Variants in CLEC16A observed in about 807,000 individuals in gnomAD.
CLEC16A encodes the protein protein CLEC16A.
A neutral mutation model predicts 109.5 loss-of-function variants in CLEC16A; 51 were observed. The ratio of observed to expected loss-of-function variants is 0.47; its 90% CI spans 0.37 to 0.59. CLEC16A has a LOEUF of 0.59. Ranked by LOEUF, CLEC16A falls within the 20% of genes least tolerant of loss-of-function variation. The pLI is 0.00. For missense variants in CLEC16A, 1,339 were observed against 1,394.0 expected (o/e 0.96, Z 0.63); for synonymous variants, 673 against 564.2 (o/e 1.19, Z -2.73).
chr16:11,086,594 G>A (rs2050022262), intron 19 of CLEC16A, among the ~76,000 whole-genome samples: 2 of 152,152 alleles, frequency 1.3e-5, no homozygotes, highest in Admixed American at 1.3e-4. Context: ...CCAGGCTGGA[G>A]TGCAGTGTCG....
chr16:10,973,211 C>T (rs1596819652), intron 7 of CLEC16A, 150 bp downstream of exon 7: 2 of 885,056 alleles, frequency 2.3e-6, no homozygotes, highest in South Asian at 2.3e-5. Context: ...AGGTCCTGCT[C>T]ACCTATTTGT....
At chr16:11,003,338 G>A in intron 11 of CLEC16A, 33 bp downstream of exon 11, 2 of 1,574,274 alleles carry the variant, frequency 1.3e-6, no homozygotes, top group Non-Finnish European at 1.7e-6. Context: ...CCCTGTGCCT[G>A]CGCCGCCAGC....
At chr16:10,962,611 G>A in intron 3 of CLEC16A, 23 bp downstream of exon 3, 1 of 1,612,454 alleles carries the variant, frequency 6.2e-7, no homozygotes, top group Non-Finnish European at 8.5e-7. Flanking sequence ...CTTGGTATTT[G>A]CCTCTGTGCT....
At chr16:11,061,139 TATTG>T (rs2048459277) in intron 19 of CLEC16A, 117 bp downstream of exon 19, 1 of 1,229,978 alleles carries the variant, frequency 8.1e-7, no homozygotes, top group African/African-American at 1.5e-5. Context: ...TTTGTACTAT[TATTG>T]AGCTGTGACC....
chr16:11,008,566 C>G (rs191912943), intron 11 of CLEC16A, among the ~76,000 whole-genome samples: 35 of 152,180 alleles, frequency 2.3e-4, no homozygotes, highest in Middle Eastern at 3.4e-3. Context: ...CACATAGGCA[C>G]TAGTTGGACA....
At chr16:11,134,257 C>G (rs1370200920) in intron 22 of CLEC16A, among the ~76,000 whole-genome samples, 2 of 147,016 alleles carry the variant, frequency 1.4e-5, no homozygotes, top group African/African-American at 2.5e-5. Context: ...CCAGGCAAAA[C>G]TACGTTGTCG....
intron 10 of CLEC16A, among the ~76,000 whole-genome samples, chr16:10,989,141 C>G (rs1596915344): frequency 6.6e-6 from 1 of 152,174 alleles, no homozygotes; most frequent in African/African-American, 2.4e-5. Context: ...TGTGTGTATA[C>G]TGTGTGTATA....
intron 22 of CLEC16A, among the ~76,000 whole-genome samples, chr16:11,129,094 C>A (rs1332362190): frequency 6.6e-6 from 1 of 152,212 alleles, no homozygotes; most frequent in Non-Finnish European, 1.5e-5. Flanking sequence ...AGCCCCAACC[C>A]CAGCCTTGCC....
At chr16:11,047,507 G>A (rs1311204176) in intron 17 of CLEC16A, 165 bp downstream of exon 17, 3 of 446,724 alleles carry the variant, frequency 6.7e-6, no homozygotes, top group Non-Finnish European at 1.2e-5. Context: ...CCCCACCACT[G>A]TTAAAATTTC....
intron 19 of CLEC16A, among the ~76,000 whole-genome samples, chr16:11,085,976 CGG>C (rs1567297622): frequency 1.1e-4 from 16 of 152,282 alleles, no homozygotes; most frequent in African/African-American, 3.9e-4. Context: ...GGAGGCCTCT[CGG>C]GTCTTCAGCT....
At chr16:11,111,815 A>T (rs896392608) in intron 19 of CLEC16A, among the ~76,000 whole-genome samples, 9 of 152,312 alleles carry the variant, frequency 5.9e-5, no homozygotes, top group Middle Eastern at 3.4e-3. Context: ...GATTGTAAGT[A>T]ATTCTGTTTT....
chr16:11,145,576 C>G (rs2054017160), intron 22 of CLEC16A, among the ~76,000 whole-genome samples: 1 of 152,272 alleles, frequency 6.6e-6, no homozygotes. Flanking sequence ...CATATGGTCT[C>G]TGTCGCAACA....
chr16:11,073,524 C>T (rs759148702), intron 19 of CLEC16A, among the ~76,000 whole-genome samples: 12 of 152,270 alleles, frequency 7.9e-5, no homozygotes, highest in Middle Eastern at 3.4e-3. Flanking sequence ...GCGCCTAACC[C>T]GCCATCATGT....
chr16:10,978,820 C>G (rs2043159380), intron 8 of CLEC16A, among the ~76,000 whole-genome samples: 1 of 152,200 alleles, frequency 6.6e-6, no homozygotes, highest in Non-Finnish European at 1.5e-5. Flanking sequence ...AGCAGTTAAC[C>G]TGAGCCCGTT....
intron 22 of CLEC16A, among the ~76,000 whole-genome samples, chr16:11,158,263 C>T (rs1469548921): frequency 6.6e-6 from 1 of 152,122 alleles, no homozygotes. Flanking sequence ...TGAGCCACAG[C>T]CTCGGAATGA....
At chr16:11,141,034 G>A (rs1313756158) in intron 22 of CLEC16A, among the ~76,000 whole-genome samples, 2 of 152,254 alleles carry the variant, frequency 1.3e-5, no homozygotes, top group Admixed American at 6.5e-5. Context: ...GAGGGAGCCA[G>A]GGCTCAGACG....
At chr16:11,133,473 G>C (rs372834200) in intron 22 of CLEC16A, among the ~76,000 whole-genome samples, 1 of 152,106 alleles carries the variant, frequency 6.6e-6, no homozygotes, top group African/African-American at 2.4e-5. Flanking sequence ...TAATAGTTCC[G>C]TGGAAAAGCC....
Position 11,061,011 on chromosome 16 carries a change from T to A in CLEC16A, c.2105T>A (p.Val702Asp). The change falls in exon 19 of 24, where the codon GTC becomes GAC. Residue 702 changes from valine to aspartate, a missense_variant. Physicochemically the swap from Val to Asp is radical, Grantham distance 152. Around this residue, in one of 3 missense-constraint regions of CLEC16A, gnomAD observed 1,061 missense variants for 1,006.8 expected, o/e 1.05. Transcript: ENST00000409790. ...REEDLIKTDD[V>D]LDLNNSDLIA... is the part of the protein sequence containing the mutation. ...GAGGACCTGATCAAGACTGATGATG[T>A]CCTGGATCTGAGTGAGTTGGCTGCT... 6.2e-7 allele frequency: 1 copy of A among 1,608,322 alleles called. No homozygotes were observed. Among genetic ancestry groups the A allele is most frequent in the Non-Finnish European group, 8.5e-7 (1 of 1,178,144 alleles).
intron 19 of CLEC16A, among the ~76,000 whole-genome samples, chr16:11,097,347 G>A (rs1257799339): frequency 6.6e-6 from 1 of 152,148 alleles, no homozygotes; most frequent in Non-Finnish European, 1.5e-5. Context: ...GATTTAATCA[G>A]CTCCCTCGCC....
Sources: gnomAD v4.1 joint callset for allele counts (sites outside exome capture counted in the v4.1 genomes callset) on GRCh38, gnomAD v4.1.1 for gene constraint, gnomAD v4.1.1 regional missense constraint, MANE v1.5 for transcripts, NCBI Gene and HGNC (gene_info 2026-07-23, HGNC 2026-07-21) for gene names.